UGT1A5: variants seen among roughly 807,000 people sequenced by gnomAD.
UGT1A5 encodes the protein UDP-glucuronosyltransferase 1A5.
Under a neutral mutation model 40.3 loss-of-function variants are expected in UGT1A5, and 29 were observed. That is an observed-to-expected ratio of 0.72 (90% CI 0.54 to 0.98). The LOEUF is 0.98. UGT1A5 is among the 50% of genes least tolerant of loss of function. UGT1A5 has a pLI of 0.00. For synonymous variants in UGT1A5, 257 were observed against 262.5 expected (o/e 0.98, Z 0.20); for missense variants, 678 against 677.9 (o/e 1.00, Z 0.00).
intron 1 of UGT1A5, among the ~76,000 whole-genome samples, chr2:233,761,362 C>T (rs1697754061): frequency 6.6e-6 from 1 of 152,198 alleles, no homozygotes. Flanking sequence ...GAAAGCATTC[C>T]TTGGACATTT....
chr2:233,740,135 G>C (rs1178370483), intron 1 of UGT1A5, among the ~76,000 whole-genome samples: 1 of 151,806 alleles, frequency 6.6e-6, no homozygotes, highest in African/African-American at 2.4e-5. Context: ...TGTCATGATT[G>C]TAAGTTTCCT....
chr2:233,725,261 AGAG>A lies in UGT1A5; in HGVS notation c.867+11408_867+11410del, dbSNP rs754749858. 7.0e-4 allele frequency among the ~76,000 whole-genome samples: 22 copies of A among 31,252 alleles called. 3 individuals carry two copies. The highest frequency in any genetic ancestry group is 4.3e-3 in the African/African-American group (20 of 4,634). The allele number at this position is 31,252 out of a possible 152,430, so 20.5% of individuals were successfully genotyped here. A position where few individuals can be genotyped will look rare whatever the true frequency, so the allele number is the denominator to read the frequency against. ...AGGCAGAGGCAGAGGAGGCAGAGGC[AGAG>A]GAGGCAGAGGCAGAGGCAGAGGCAG... On this transcript the variant is annotated intron_variant, in intron 1 of 4. Transcript: ENST00000373414.
chr2:233,755,332 C>G, intron 1 of UGT1A5: 1 of 459,718 alleles, frequency 2.2e-6, no homozygotes, highest in Non-Finnish European at 3.7e-6. Flanking sequence ...CCAGCACCCG[C>G]GCACAGGTCA....
In UGT1A5 at chr2:233,713,102, T is replaced by C; in HGVS notation, c.111T>C (p.Asp37=). 3 of 1,614,146 alleles carry C rather than the reference T, an allele frequency of 1.9e-6. No individual in the cohort carries two copies. The highest frequency in any genetic ancestry group is 2.5e-6 in the Non-Finnish European group (3 of 1,180,018). The part of the protein sequence containing the change: ...ESGKVLVVPT[D]GSHWLSMREA... ...GGAAGGTGCTGGTGGTGCCCACTGA[T>C]GGCAGCCACTGGCTCAGCATGCGGG... The change falls in exon 1 of 5, where the codon GAT becomes GAC. Residue 37 remains aspartate (D), a synonymous_variant. Coordinates refer to ENST00000373414, the MANE Select transcript of UGT1A5 (RefSeq NM_019078.2).
intron 1 of UGT1A5, among the ~76,000 whole-genome samples, chr2:233,756,693 T>C (rs1305461555): frequency 6.6e-6 from 1 of 152,168 alleles, no homozygotes; most frequent in East Asian, 1.9e-4. Context: ...ATAATGACGA[T>C]GAATTTTGGG....
chr2:233,764,444 A>G (rs1698561692), intron 1 of UGT1A5, among the ~76,000 whole-genome samples: 2 of 152,188 alleles, frequency 1.3e-5, no homozygotes, highest in African/African-American at 4.8e-5. Context: ...CTTTTGTGCC[A>G]TTTAAACTTT....
intron 1 of UGT1A5, among the ~76,000 whole-genome samples, chr2:233,734,727 CG>C (rs2078556253): frequency 6.6e-6 from 1 of 150,514 alleles, no homozygotes; most frequent in East Asian, 2.0e-4. Context: ...TTGTTCTCGT[CG>C]GTTTCAAAGA....
intron 1 of UGT1A5, chr2:233,719,806 T>C: frequency 1.9e-6 from 3 of 1,595,234 alleles, no homozygotes; most frequent in Non-Finnish European, 2.6e-6. Context: ...TTTGGCTTCT[T>C]TATAACAGAT....
chr2:233,732,017 G>A (rs1379016556), intron 1 of UGT1A5, among the ~76,000 whole-genome samples: 2 of 152,178 alleles, frequency 1.3e-5, no homozygotes. Flanking sequence ...GTTTTGATTT[G>A]CATTTCTCTG....
chr2:233,740,858 A>G (rs1691488527), intron 1 of UGT1A5: 1 of 151,872 alleles, frequency 6.6e-6, no homozygotes, highest in Non-Finnish European at 1.5e-5. Flanking sequence ...CAATTCTAAA[A>G]ATTCTTTAAA....
intron 1 of UGT1A5, chr2:233,756,153 G>A (rs1213505703): frequency 6.6e-6 from 1 of 152,140 alleles, no homozygotes; most frequent in Non-Finnish European, 1.5e-5. Flanking sequence ...GGGATCCCTA[G>A]GATTTCCTGG....
chr2:233,713,231 T>C lies in UGT1A5; in HGVS notation c.240T>C (p.Tyr80=). The part of the protein sequence containing the change: ...KEENFFTLTT[Y]AISWTQDEFD... The stretch of plus-strand genomic sequence containing the variant: ...AGAACTTTTTCACCCTGACAACGTA[T>C]GCCATTTCATGGACCCAGGACGAAT... Residue 80 remains tyrosine (Y), a synonymous_variant, in exon 1 of 5, where the codon TAT becomes TAC. Coordinates refer to ENST00000373414, the MANE Select transcript of UGT1A5 (RefSeq NM_019078.2). 6.2e-7 allele frequency: 1 copy of C among 1,614,264 alleles called. No individual in the cohort carries two copies. Among genetic ancestry groups the C allele is most frequent in the South Asian group, 1.1e-5 (1 of 91,086 alleles).
At position 233,746,718 on chromosome 2, in the gene UGT1A5, T is replaced by A. The variant is rs1161016418; in HGVS notation, c.868-20316T>A. The stretch of plus-strand genomic sequence containing the variant: ...ATAAATATTTGGTGGATAAGGGAAT[T>A]AGCAATGGATTCTGCTTTGGTTCCA... On this transcript the variant is annotated intron_variant, in intron 1 of 4. Transcript: ENST00000373414. Among the ~76,000 whole-genome samples, 3 of 151,822 alleles carry A rather than the reference T, an allele frequency of 2.0e-5. 1 individual carries two copies. Among genetic ancestry groups the A allele is most frequent in the African/African-American group, 7.3e-5 (3 of 41,076 alleles).
rs1692776441 is a variant in UGT1A5 at position 233,744,329 on chromosome 2, T to A, written c.868-22705T>A. ...AGGGAAGAGGGTGGTGGGAGTGAGT[T>A]TAGTCTGACTGGGGCTGAAGACATC... On this transcript the variant is annotated intron_variant, in intron 1 of 4. Transcript: ENST00000373414. 1.3e-5 allele frequency among the ~76,000 whole-genome samples: 2 copies of A among 151,824 alleles called. 1 individual carries two copies. The highest frequency in any genetic ancestry group is 4.9e-5 in the African/African-American group (2 of 41,084).
chr2:233,740,221 TC>T (rs1691341111), intron 1 of UGT1A5, among the ~76,000 whole-genome samples: 1 of 151,864 alleles, frequency 6.6e-6, no homozygotes, highest in Non-Finnish European at 1.5e-5. Flanking sequence ...CTCAGCTGCG[TC>T]TTTATAGCAG....
At chr2:233,717,997 G>T in intron 1 of UGT1A5, 2 of 419,518 alleles carry the variant, frequency 4.8e-6, no homozygotes, top group South Asian at 3.4e-5. Context: ...GACTGTGCAA[G>T]ATCTGAGGCC....
intron 4 of UGT1A5, among the ~76,000 whole-genome samples, chr2:233,768,711 T>G (rs2126041058): frequency 6.6e-6 from 1 of 151,246 alleles, no homozygotes; most frequent in South Asian, 2.1e-4. Flanking sequence ...AGCCTCCGTG[T>G]AGCTGGGATT....
intron 4 of UGT1A5, among the ~76,000 whole-genome samples, chr2:233,771,796 C>G (rs373628815): frequency 4.6e-5 from 7 of 151,828 alleles, no homozygotes; most frequent in African/African-American, 1.7e-4. Flanking sequence ...CCCTCCCTCC[C>G]TCCCTCCCTT....
At chr2:233,728,836 G>C (rs2077754966) in intron 1 of UGT1A5, among the ~76,000 whole-genome samples, 1 of 152,210 alleles carries the variant, frequency 6.6e-6, no homozygotes, top group Non-Finnish European at 1.5e-5. Flanking sequence ...TCACAGCCTT[G>C]TGTTGGGAAT....
Sources: allele counts gnomAD v4.1 joint callset (sites outside exome capture counted in the v4.1 genomes callset), GRCh38; gene constraint gnomAD v4.1.1; transcripts MANE v1.5; gene names NCBI Gene and HGNC (gene_info 2026-07-23, HGNC 2026-07-21).